Variants in NEDD4L observed in about 807,000 individuals in gnomAD.
NEDD4L encodes the protein NEDD4 like E3 ubiquitin protein ligase.
Under a neutral mutation model 148.9 loss-of-function variants are expected in NEDD4L, and 54 were observed. The observed-to-expected ratio is 0.36, with a 90% CI of 0.29 to 0.45. The LOEUF is 0.45. NEDD4L is among the 20% of genes least tolerant of loss of function. The pLI is 1.00. For missense variants in NEDD4L, 856 were observed against 1,233.8 expected (o/e 0.69, Z 4.59); for synonymous variants, 433 against 440.7 (o/e 0.98, Z 0.22).
At chr18:58,154,612 C>G (rs1476912748) in intron 1 of NEDD4L, among the ~76,000 whole-genome samples, 1 of 152,090 alleles carries the variant, frequency 6.6e-6, no homozygotes, top group African/African-American at 2.4e-5. Context: ...ATGGCAAAAC[C>G]CCATCTCTAC....
intron 4 of NEDD4L, among the ~76,000 whole-genome samples, chr18:58,249,963 T>C (rs2047699550): frequency 6.6e-6 from 1 of 152,246 alleles, no homozygotes. Context: ...TGTTGGCCTT[T>C]AGTTAACTCT....
At chr18:58,083,694 C>CA (rs141857671) in intron 1 of NEDD4L, among the ~76,000 whole-genome samples, 3 of 150,798 alleles carry the variant, frequency 2.0e-5, no homozygotes, top group South Asian at 4.2e-4. Flanking sequence ...TCTCAAAAAA[C>CA]AAAAAAAACA....
chr18:58,370,228 ACT>A (rs1180311536), intron 22 of NEDD4L, among the ~76,000 whole-genome samples, 167 bp from the exon 23 acceptor site: 1 of 150,090 alleles, frequency 6.7e-6, no homozygotes, highest in Non-Finnish European at 1.5e-5. Flanking sequence ...TCCTCATGCC[ACT>A]CTCCCCCTGA....
At position 58,330,826 on chromosome 18, in the gene NEDD4L, G is replaced by A. The variant is rs372196719; in HGVS notation, c.902G>A (p.Arg301Gln). Residue 301 changes from arginine (R) to glutamine (Q), a missense_variant, in exon 11 of 31, where the codon CGG becomes CAG. Transcript: ENST00000400345. ...LPPPPASPGSRTSPQELSEEL... is the reference protein window; with the variant it reads ...LPPPPASPGSQTSPQELSEEL... ...CCACCACCGGCCTCCCCAGGATCTCGGACCAGCCCTCAGGAGCTGTCAGAG... is the reference window on the plus strand; with the variant it reads ...CCACCACCGGCCTCCCCAGGATCTCAGACCAGCCCTCAGGAGCTGTCAGAG... 21 of 1,613,728 alleles carry A rather than the reference G, an allele frequency of 1.3e-5. No individual in the cohort carries two copies. The highest frequency in any genetic ancestry group is 5.3e-5 in the African/African-American group (4 of 74,880).
At chr18:58,356,310 T>C (rs1336511695) in intron 18 of NEDD4L, among the ~76,000 whole-genome samples, 1 of 151,486 alleles carries the variant, frequency 6.6e-6, no homozygotes, top group Non-Finnish European at 1.5e-5. Context: ...TTTTGTTTTT[T>C]ACTAACCTAG....
At chr18:58,125,363 GT>G (rs1487553417) in intron 1 of NEDD4L, among the ~76,000 whole-genome samples, 3 of 149,716 alleles carry the variant, frequency 2.0e-5, no homozygotes, top group Admixed American at 6.6e-5. Flanking sequence ...AGGAGGGTGT[GT>G]GTGTGTGTGT....
At chr18:58,119,504 A>G (rs2086084771) in intron 1 of NEDD4L, among the ~76,000 whole-genome samples, 1 of 152,192 alleles carries the variant, frequency 6.6e-6, no homozygotes, top group Non-Finnish European at 1.5e-5. Context: ...CAGTCACACT[A>G]CACACCTTTA....
intron 2 of NEDD4L, among the ~76,000 whole-genome samples, chr18:58,223,752 C>T (rs781455322): frequency 2.6e-5 from 4 of 152,176 alleles, no homozygotes; most frequent in African/African-American, 4.8e-5. Flanking sequence ...GCCTGCCACT[C>T]GCTCACCTTG....
At chr18:58,332,091 T>C (rs1401066957) in intron 11 of NEDD4L, among the ~76,000 whole-genome samples, 2 of 152,212 alleles carry the variant, frequency 1.3e-5, no homozygotes, top group Admixed American at 6.5e-5. Flanking sequence ...TTAAAACCTA[T>C]AAAAGCAAGG....
At chr18:58,295,023 A>G (rs529448428) in intron 5 of NEDD4L, among the ~76,000 whole-genome samples, 2 of 152,146 alleles carry the variant, frequency 1.3e-5, no homozygotes, top group East Asian at 1.9e-4. Flanking sequence ...TTTCCCATGT[A>G]TTTCCCCCAC....
At chr18:58,218,524 C>T (rs2043387789) in intron 2 of NEDD4L, among the ~76,000 whole-genome samples, 1 of 152,200 alleles carries the variant, frequency 6.6e-6, no homozygotes, top group South Asian at 2.1e-4. Flanking sequence ...GGTGTCTCTT[C>T]AGTGACCTTG....
rs1456489926 is a variant in NEDD4L at position 58,385,416 on chromosome 18, C to G, written c.2427-110C>G. ...CAGTGGGGGCACAGAGGAGACCCTC[C>G]CCTCTGCTCTGCTGTCGTGGATGGA... On this transcript the variant is annotated intron_variant, in intron 25 of 30. Transcript: ENST00000400345. 10 of 857,412 alleles carry G rather than the reference C, an allele frequency of 1.2e-5. No individual in the cohort carries two copies. The East Asian group carries it at 2.4e-4, about 21-fold the overall frequency. 53.1% of individuals were successfully genotyped at this position (857,412 alleles called of 1,614,324 possible). A position where few individuals can be genotyped will look rare whatever the true frequency, so the allele number is the denominator to read the frequency against.
chr18:58,245,277 T>C (rs1382045862), intron 2 of NEDD4L, 150 bp from the exon 3 acceptor site: 1 of 477,592 alleles, frequency 2.1e-6, no homozygotes, highest in African/African-American at 2.0e-5. Context: ...TGTATTGACT[T>C]AGTAGATATG....
intron 18 of NEDD4L, among the ~76,000 whole-genome samples, chr18:58,354,971 G>A (rs965450035): frequency 3.9e-5 from 6 of 152,210 alleles, no homozygotes; most frequent in African/African-American, 1.4e-4. Context: ...TCCGAGAAAC[G>A]CAGCATTGCT....
chr18:58,180,699 A>C (rs966575936), intron 2 of NEDD4L, among the ~76,000 whole-genome samples: 2 of 152,216 alleles, frequency 1.3e-5, no homozygotes, highest in Non-Finnish European at 2.9e-5. Context: ...TAAAACATGC[A>C]GGTTCTGAAT....
chr18:58,337,962 C>T (rs3865419), intron 13 of NEDD4L, among the ~76,000 whole-genome samples: 80,969 of 152,042 alleles, frequency 0.53, 21,784 homozygotes, highest in East Asian at 0.66. Flanking sequence ...TAGCACAGTC[C>T]TTTCAGTCTT....
chr18:58,167,344 C>T (rs768687944), intron 2 of NEDD4L, among the ~76,000 whole-genome samples: 1 of 152,224 alleles, frequency 6.6e-6, no homozygotes, highest in Admixed American at 6.5e-5. Context: ...CTTCTCTTCC[C>T]TTTCAGAGCA....
Position 58,256,224 on chromosome 18 carries a change from G to A in NEDD4L, c.297+4170G>A. On this transcript the variant is annotated intron_variant, in intron 5 of 30. Coordinates refer to ENST00000400345, the MANE Select transcript of NEDD4L (RefSeq NM_001144967.3). This position sits in a 1 kb window ranked among gnomAD's most constrained non-coding sequence, Gnocchi z 5.2. ...GCCCCGGGCCTGCGCATCCAGCACCGCGCCTCCAGCGCCGACGTGCGCCAG... is the reference window on the plus strand; with the variant it reads ...GCCCCGGGCCTGCGCATCCAGCACCACGCCTCCAGCGCCGACGTGCGCCAG... 3 of 1,225,468 alleles carry A rather than the reference G, an allele frequency of 2.4e-6. No homozygotes were observed. Among genetic ancestry groups the A allele is most frequent in the Non-Finnish European group, 3.0e-6 (3 of 983,950 alleles). 75.9% of individuals were successfully genotyped at this position (1,225,468 alleles called of 1,614,324 possible). A position where few individuals can be genotyped will look rare whatever the true frequency, so the allele number is the denominator to read the frequency against.
intron 5 of NEDD4L, among the ~76,000 whole-genome samples, chr18:58,280,833 TTGTGACCTATTTGAGG>T (rs2052947072): frequency 1.3e-5 from 2 of 152,224 alleles, no homozygotes; most frequent in Non-Finnish European, 2.9e-5. Context: ...AATTCATTCA[TTGTGACCTATTTGAGG>T]GTCATTTAAA....
Sources: allele counts gnomAD v4.1 joint callset (sites outside exome capture counted in the v4.1 genomes callset), GRCh38; gene constraint gnomAD v4.1.1; non-coding constraint Gnocchi (gnomAD v3.1); transcripts MANE v1.5; gene names NCBI Gene and HGNC (gene_info 2026-07-23, HGNC 2026-07-21).